TENM3: variants seen among roughly 807,000 people sequenced by gnomAD.
TENM3 encodes teneurin transmembrane protein 3, also known as teneurin-3.
Under a neutral mutation model 255.1 loss-of-function variants are expected in TENM3, and 63 were observed. The observed-to-expected ratio is 0.25, with a 90% CI of 0.20 to 0.30. TENM3 has a LOEUF of 0.30. Among genes scored for constraint, TENM3 ranks in the 10% least tolerant of loss-of-function variants. The pLI is 1.00. For synonymous variants in TENM3, 1,306 were observed against 1,322.3 expected, an observed-to-expected ratio of 0.99 and a Z score of 0.27; for missense variants, 2,929 against 3,461.1, an observed-to-expected ratio of 0.85 and a Z score of 3.86.
chr4:182,502,391 G>A lies in TENM3; in HGVS notation c.512-98533G>A, dbSNP rs1359562652. Among the ~76,000 whole-genome samples the A allele has an allele frequency of 1.1e-4, 16 of 152,120 alleles. No homozygotes were observed. In the East Asian group the frequency reaches 3.1e-3, roughly 29 times the overall value. On this transcript the variant is annotated intron_variant, in intron 3 of 27. Coordinates refer to ENST00000511685, the MANE Select transcript of TENM3 (RefSeq NM_001080477.4). Reference sequence around the variant, plus strand: ...TAAATTTTCTTAGAGTATTTCGTTGGTAATTTTTTCCTTCTATTTTGCAGT... The same window carrying A: ...TAAATTTTCTTAGAGTATTTCGTTGATAATTTTTTCCTTCTATTTTGCAGT...
the TENM3 span, among the ~76,000 whole-genome samples, chr4:182,067,303 T>C: frequency 1.3e-5 from 2 of 151,876 alleles, no homozygotes; most frequent in East Asian, 3.9e-4. Flanking sequence ...ACGAACGGAG[T>C]GTTCATGAAA....
Position 182,531,852 on chromosome 4 carries a change from G to T in TENM3, c.512-69072G>T, listed in dbSNP as rs541197288. ...AAGGAAAGCGGATTCAGCATAAACTGCACTGTGTGCATAAACAGTTTAAAC... is the reference window on the plus strand; with the variant it reads ...AAGGAAAGCGGATTCAGCATAAACTTCACTGTGTGCATAAACAGTTTAAAC... On this transcript the variant is annotated intron_variant, in intron 3 of 27. Transcript: ENST00000511685. 7.2e-5 allele frequency among the ~76,000 whole-genome samples: 11 copies of T among 152,318 alleles called. No homozygotes were observed. In the South Asian group the frequency reaches 2.3e-3, roughly 32 times the overall value.
chr4:182,215,385 G>A (rs1340826303), intron 1 of TENM3, among the ~76,000 whole-genome samples: 1 of 152,138 alleles, frequency 6.6e-6, no homozygotes, highest in Non-Finnish European at 1.5e-5. Context: ...CACTCGATGA[G>A]TTTTTTAAAA....
At chr4:182,041,434 C>G in the TENM3 span, among the ~76,000 whole-genome samples, 1 of 152,132 alleles carries the variant, frequency 6.6e-6, no homozygotes, top group African/African-American at 2.4e-5. Flanking sequence ...AGCAAAGACT[C>G]TATGTGAACA....
At chr4:181,525,396 CA>C in the TENM3 span, among the ~76,000 whole-genome samples, 46,356 of 97,304 alleles carry the variant, frequency 0.48, 8,706 homozygotes, top group South Asian at 0.6. Flanking sequence ...GACCCTGTTT[CA>C]AAAAAAAAAA....
chr4:182,679,281 A>G (rs946573407), intron 7 of TENM3, among the ~76,000 whole-genome samples: 12 of 152,202 alleles, frequency 7.9e-5, no homozygotes, highest in Admixed American at 2.6e-4. Flanking sequence ...CGACTATTAT[A>G]TATCAATTAT....
chr4:181,805,229 C>A, the TENM3 span, among the ~76,000 whole-genome samples: 1 of 152,108 alleles, frequency 6.6e-6, no homozygotes, highest in Non-Finnish European at 1.5e-5. Context: ...GGATGAAAAC[C>A]CAAATCCTTT....
chr4:182,774,675 G>T (rs1213018768), intron 23 of TENM3, among the ~76,000 whole-genome samples: 2 of 152,148 alleles, frequency 1.3e-5, no homozygotes, highest in African/African-American at 4.8e-5. Flanking sequence ...ATGAGAAAAA[G>T]AAGTCTATTA....
the TENM3 span, among the ~76,000 whole-genome samples, chr4:181,644,424 T>G: frequency 6.9e-6 from 1 of 144,006 alleles, no homozygotes; most frequent in Non-Finnish European, 1.5e-5. Flanking sequence ...AGGTGGAATC[T>G]CTTATCTTAA....
chr4:181,635,896 C>T, the TENM3 span, among the ~76,000 whole-genome samples: 1 of 152,134 alleles, frequency 6.6e-6, no homozygotes, highest in Non-Finnish European at 1.5e-5. Flanking sequence ...CAGACATGGC[C>T]ATTCTTGTGG....
At chr4:181,565,955 A>G in the TENM3 span, among the ~76,000 whole-genome samples, 4 of 152,202 alleles carry the variant, frequency 2.6e-5, no homozygotes, top group African/African-American at 9.6e-5. Context: ...TTAAAGTGAG[A>G]CAGAAATTAA....
At chr4:181,658,689 C>A in the TENM3 span, among the ~76,000 whole-genome samples, 2 of 152,218 alleles carry the variant, frequency 1.3e-5, no homozygotes, top group African/African-American at 2.4e-5. Context: ...GTGCCAGGCA[C>A]TTTACCTAGC....
chr4:181,599,380 G>C, the TENM3 span, among the ~76,000 whole-genome samples: 1 of 152,276 alleles, frequency 6.6e-6, no homozygotes, highest in Admixed American at 6.5e-5. Context: ...ACACTGTAAC[G>C]TCGATGGTTA....
the TENM3 span, among the ~76,000 whole-genome samples, chr4:181,639,734 T>C: frequency 6.6e-6 from 1 of 152,176 alleles, no homozygotes; most frequent in South Asian, 2.1e-4. Context: ...GAGCAAGACT[T>C]ATTCTCAAAA....
At chr4:182,426,392 A>G (rs1479054010) in intron 3 of TENM3, among the ~76,000 whole-genome samples, 1 of 152,164 alleles carries the variant, frequency 6.6e-6, no homozygotes, top group African/African-American at 2.4e-5. Flanking sequence ...CAAAGAAACA[A>G]CCTAAAGACC....
intron 3 of TENM3, among the ~76,000 whole-genome samples, chr4:182,587,671 A>G (rs557661712): frequency 3.8e-4 from 58 of 152,220 alleles, no homozygotes; most frequent in Admixed American, 1.6e-3. Context: ...TCGGCCTGCC[A>G]AAGTTCTGGG....
chr4:182,401,505 C>G (rs900885358), intron 3 of TENM3, among the ~76,000 whole-genome samples: 1 of 152,210 alleles, frequency 6.6e-6, no homozygotes, highest in African/African-American at 2.4e-5. Context: ...TAAGGCCAAA[C>G]TTTGTGCCAG....
Position 182,594,683 on chromosome 4 carries a change from G to GGTGTGTGT in TENM3, c.512-6200_512-6193dup, listed in dbSNP as rs67667219. Among the ~76,000 whole-genome samples, 560 of 138,228 alleles carry GGTGTGTGT rather than the reference G, an allele frequency of 4.1e-3. 3 individuals are homozygous for GGTGTGTGT. The highest frequency in any genetic ancestry group is 0.01 in the African/African-American group (359 of 35,704). 90.7% of individuals were successfully genotyped at this position (138,228 alleles called of 152,430 possible). A position where few individuals can be genotyped will look rare whatever the true frequency, so the allele number is the denominator to read the frequency against. ...TTATTTCTTCCCTGTTTTTTGTTTTGGTGTGTGTGTGTGTGTGTGTGTGTG... is the reference window on the plus strand; with the variant it reads ...TTATTTCTTCCCTGTTTTTTGTTTTGGTGTGTGTGTGTGTGTGTGTGTGTGTGTGTGTG... On this transcript the variant is annotated intron_variant, in intron 3 of 27. Coordinates refer to ENST00000511685, the MANE Select transcript of TENM3 (RefSeq NM_001080477.4).
the TENM3 span, among the ~76,000 whole-genome samples, chr4:181,707,768 C>T: frequency 6.6e-6 from 1 of 152,092 alleles, no homozygotes; most frequent in Non-Finnish European, 1.5e-5. Context: ...TTCTTTTAAC[C>T]ACTGTTATTA....
Sources: allele counts gnomAD v4.1 joint callset (sites outside exome capture counted in the v4.1 genomes callset), GRCh38; gene constraint gnomAD v4.1.1; transcripts MANE v1.5; gene names NCBI Gene and HGNC (gene_info 2026-07-23, HGNC 2026-07-21).